The following CSRP3 variants were observed in gnomAD, a reference collection of about 807,000 sequenced individuals.
CSRP3 encodes cysteine and glycine rich protein 3.
CSRP3 carries 24 observed loss-of-function variants against 24.3 expected under a neutral mutation model. That is an observed-to-expected ratio of 0.99 (90% confidence interval 0.71 to 1.39). The LOEUF (loss-of-function observed/expected upper bound fraction) is 1.39. Ranked by LOEUF, CSRP3 falls within the 40% of genes most tolerant of loss-of-function variation. The probability of loss-of-function intolerance (pLI) is 0.00; values close to 1 mark genes in which losing one functional copy is unlikely to be tolerated. For synonymous variants in CSRP3, 105 were observed against 94.0 expected (o/e 1.12, Z -0.68); for missense variants, 240 against 249.0 (o/e 0.96, Z 0.24).
Position 19,188,227 on chromosome 11 carries a change from G to T in CSRP3, c.190C>A (p.Arg64Ser), listed in dbSNP as rs368392588. 5.6e-6 allele frequency: 9 copies of T among 1,613,528 alleles called. No homozygotes were observed. The highest frequency in any genetic ancestry group is 1.1e-5 in the South Asian group (1 of 91,030). The change falls in exon 3 of 6, where the codon CGC (arginine) becomes AGC (serine). Residue 64 changes from arginine to serine, a missense_variant. Arg to Ser is a moderately radical substitution (Grantham distance 110, BLOSUM62 -1). Coordinates refer to ENST00000265968, the MANE Select transcript of CSRP3 (RefSeq NM_003476.5). ...CCGATCCCTTTGGGGCCATATCTGC[G>T]CCCATAGCACACCTTGCAGTAGATC... ...SEIYCKVCYG[R>S]RYGPKGIGYG...
chr11:19,187,274 C>G (rs750656409), intron 3 of CSRP3, among the ~76,000 whole-genome samples: 27 of 152,338 alleles, frequency 1.8e-4, no homozygotes, highest in Middle Eastern at 6.8e-3. Flanking sequence ...TCACACATCT[C>G]TCCACGTTTC....
chr11:19,194,421 C>T (rs55915915), intron 1 of CSRP3, among the ~76,000 whole-genome samples: 24,802 of 152,126 alleles, frequency 0.16, 4,190 homozygotes, highest in African/African-American at 0.44. Context: ...CTCACACTTA[C>T]AATCCCAGGA....
chr11:19,197,554 T>C (rs1565055681), intron 1 of CSRP3, among the ~76,000 whole-genome samples: 2 of 140,018 alleles, frequency 1.4e-5, no homozygotes, highest in Admixed American at 7.1e-5. Context: ...TTTCTTTCTT[T>C]CTTTCTTTCT....
intron 2 of CSRP3, among the ~76,000 whole-genome samples, chr11:19,191,888 A>G (rs1850621541): frequency 6.6e-6 from 1 of 152,156 alleles, no homozygotes; most frequent in African/African-American, 2.4e-5. Context: ...CCCCTGCCTG[A>G]CATAGGTTCT....
rs1311434775 is a variant in CSRP3, at chr11:19,199,675, A to G, written c.-29+2279T>C. Among the ~76,000 whole-genome samples, 4 of 152,172 alleles carry G rather than the reference A, an allele frequency of 2.6e-5. No homozygotes were observed. In the East Asian group the frequency reaches 7.7e-4, roughly 29 times the overall value. On this transcript the variant is annotated intron_variant, in intron 1 of 5. Transcript: ENST00000265968. ...GCATAACTTTTTGTGACCCTTAAAT[A>G]AGCTAGTACTCGTTCCATGCCTGCC...
At chr11:19,197,535 C>A (rs1369294831) in intron 1 of CSRP3, among the ~76,000 whole-genome samples, 1 of 131,274 alleles carries the variant, frequency 7.6e-6, no homozygotes, top group Non-Finnish European at 1.6e-5. Flanking sequence ...TTCTTTCTTT[C>A]TTTCTTTCTT....
chr11:19,187,492 C>A (rs1392212777), intron 3 of CSRP3, among the ~76,000 whole-genome samples: 2 of 152,184 alleles, frequency 1.3e-5, no homozygotes, highest in African/African-American at 4.8e-5. Flanking sequence ...CAATTCTGGG[C>A]TGGAGGTCAA....
rs876657767 is a variant in CSRP3, at chr11:19,186,276, C to G, written c.354G>C (p.Glu118Asp). 6.2e-7 allele frequency: 1 copy of G among 1,614,238 alleles called. No individual in the cohort carries two copies. Among genetic ancestry groups the G allele is most frequent in the Non-Finnish European group, 8.5e-7 (1 of 1,180,044 alleles). The change falls in exon 4 of 6, where the codon GAG (glutamate) becomes GAC (aspartate). Residue 118 changes from glutamate (E) to aspartate (D), a missense_variant. Transcript: ENST00000265968. ...CTGACTTGCCACATCGAGGGCACTT[C>G]TCGGACTCTCCAAACTTCGCAGTGA... is the stretch of plus-strand genomic sequence containing the variant. ...SKFTAKFGES[E>D]KCPRCGKSVY...
At chr11:19,187,471 C>T (rs1044731500) in intron 3 of CSRP3, among the ~76,000 whole-genome samples, 3 of 152,224 alleles carry the variant, frequency 2.0e-5, no homozygotes, top group Non-Finnish European at 4.4e-5. Flanking sequence ...CAGTGGCCAT[C>T]AGACTTTCCT....
intron 1 of CSRP3, among the ~76,000 whole-genome samples, chr11:19,194,360 A>C (rs1175886642): frequency 1.3e-5 from 2 of 152,160 alleles, no homozygotes; most frequent in African/African-American, 4.8e-5. Flanking sequence ...TAATTCAGTA[A>C]AATTTTAGAA....
At chr11:19,186,545 G>A (rs1850529921) in intron 3 of CSRP3, among the ~76,000 whole-genome samples, 197 bp from the exon 4 acceptor site, 1 of 152,226 alleles carries the variant, frequency 6.6e-6, no homozygotes, top group African/African-American at 2.4e-5. Flanking sequence ...ACTTAGAACA[G>A]TGCCCGCCTG....
chr11:19,200,787 C>G (rs1040197114), intron 1 of CSRP3, among the ~76,000 whole-genome samples: 1 of 152,220 alleles, frequency 6.6e-6, no homozygotes, highest in African/African-American at 2.4e-5. Flanking sequence ...ATGTACCCAG[C>G]ATTGAGATTT....
chr11:19,188,277 G>A lies in CSRP3; in HGVS notation c.140C>T (p.Thr47Met), dbSNP rs397516851. 1.4e-5 allele frequency: 23 copies of A among 1,612,436 alleles called. No homozygotes were observed. The highest frequency in any genetic ancestry group is 1.1e-4 in the African/African-American group (8 of 74,822). ...CTCCGACTCATGAGCCGCGACTGTC[G>A]TGCTGTCAAGAGCCTTCCTGCAGGC... Reference protein sequence around the residue: ...CMACRKALDSTTVAAHESEIY... With the variant: ...CMACRKALDSMTVAAHESEIY... The change falls in exon 3 of 6, where the codon ACG becomes ATG. Residue 47 changes from threonine (T) to methionine (M), a missense_variant. Transcript: ENST00000265968.
At chr11:19,185,505 C>T (rs758116680) in intron 4 of CSRP3, among the ~76,000 whole-genome samples, 23 of 152,318 alleles carry the variant, frequency 1.5e-4, no homozygotes, top group Admixed American at 3.3e-4. Context: ...TGCATAATTT[C>T]GATGTTCTAG....
At chr11:19,189,869 AT>A (rs1850587745) in intron 2 of CSRP3, among the ~76,000 whole-genome samples, 1 of 152,210 alleles carries the variant, frequency 6.6e-6, no homozygotes, top group South Asian at 2.1e-4. Context: ...ATGAAGATGA[AT>A]TTGGGGGGAG....
chr11:19,182,063 A>G lies in CSRP3; in HGVS notation c.*607T>C, dbSNP rs1220428733. 1 of 153,064 alleles carries G rather than the reference A, an allele frequency of 6.5e-6. No individual in the cohort carries two copies. Among genetic ancestry groups the G allele is most frequent in the Non-Finnish European group, 1.5e-5 (1 of 68,612 alleles). 9.5% of individuals were successfully genotyped at this position (153,064 alleles called of 1,614,324 possible). On this transcript the variant is annotated 3_prime_UTR_variant, in exon 6 of 6. Coordinates refer to ENST00000265968, the MANE Select transcript of CSRP3 (RefSeq NM_003476.5). ...AATACAGAGGCAAATGCCACGCTTT[A>G]TTGTCATTTCTGAGTTTTCACGAGA...
intron 3 of CSRP3, among the ~76,000 whole-genome samples, 158 bp from the exon 4 acceptor site, chr11:19,186,506 A>C (rs1326701529): frequency 2.0e-5 from 3 of 152,194 alleles, no homozygotes; most frequent in African/African-American, 7.2e-5. Context: ...CGTTGTTGAG[A>C]GGGTTAAATG....
At position 19,182,520 on chromosome 11, in the gene CSRP3, A is replaced by G; in HGVS notation, c.*150T>C. 2.7e-6 allele frequency: 2 copies of G among 752,468 alleles called. No individual in the cohort carries two copies. Among genetic ancestry groups the G allele is most frequent in the Non-Finnish European group, 4.8e-6 (2 of 413,352 alleles). 46.6% of individuals were successfully genotyped at this position (752,468 alleles called of 1,614,324 possible). On this transcript the variant is annotated 3_prime_UTR_variant, in exon 6 of 6. Coordinates refer to ENST00000265968, the MANE Select transcript of CSRP3 (RefSeq NM_003476.5). ...TAATTTTCTTCCAAAGGCCTCTTCT[A>G]ACATTCAGTAAAGACCTGATCACTT... is the stretch of plus-strand genomic sequence containing the variant.
chr11:19,183,306 G>T (rs1400540727), intron 5 of CSRP3, among the ~76,000 whole-genome samples: 1 of 152,116 alleles, frequency 6.6e-6, no homozygotes, highest in Admixed American at 6.5e-5. Context: ...TTTGAGGATT[G>T]CCTGCCCAAC....
Sources: allele counts gnomAD v4.1 joint callset (sites outside exome capture counted in the v4.1 genomes callset), GRCh38; gene constraint gnomAD v4.1.1; transcripts MANE v1.5; gene names NCBI Gene and HGNC (gene_info 2026-07-23, HGNC 2026-07-21).